The following COL4A2 variants were observed in gnomAD, a reference collection of about 807,000 sequenced individuals.
COL4A2 encodes collagen alpha-2(IV) chain.
In COL4A2, 99 loss-of-function variants were observed where a neutral mutation model predicts 200.2. The ratio of observed to expected loss-of-function variants is 0.49; its 90% CI spans 0.42 to 0.58. The LOEUF (loss-of-function observed/expected upper bound fraction) is 0.58, where lower values mean the gene tolerates loss of function less well. COL4A2 is among the 20% of genes least tolerant of loss of function. The probability of loss-of-function intolerance (pLI) is 0.00; values close to 1 mark genes in which losing one functional copy is unlikely to be tolerated. For missense variants in COL4A2, 1,950 were observed against 2,314.1 expected, an observed-to-expected ratio of 0.84 and a Z score of 3.23; for synonymous variants, 897 against 900.6, an observed-to-expected ratio of 1.00 and a Z score of 0.07.
intron 3 of COL4A2, among the ~76,000 whole-genome samples, chr13:110,331,119 C>T (rs1212873510): frequency 6.6e-6 from 1 of 152,082 alleles, no homozygotes; most frequent in Non-Finnish European, 1.5e-5. Flanking sequence ...TCACAATGGT[C>T]TTACCATCCT....
chr13:110,427,964 A>C (rs1880531104), intron 6 of COL4A2, among the ~76,000 whole-genome samples: 1 of 152,224 alleles, frequency 6.6e-6, no homozygotes, highest in Non-Finnish European at 1.5e-5. Flanking sequence ...GAAACTCACT[A>C]TCTAAAATGC....
At chr13:110,464,354 G>A (rs934673028) in intron 24 of COL4A2, among the ~76,000 whole-genome samples, 1 of 152,156 alleles carries the variant, frequency 6.6e-6, no homozygotes, top group African/African-American at 2.4e-5. Context: ...CCCAGTGCTT[G>A]TGTGCCTTCC....
At chr13:110,322,754 G>T (rs1370523737) in intron 3 of COL4A2, among the ~76,000 whole-genome samples, 1 of 152,234 alleles carries the variant, frequency 6.6e-6, no homozygotes, top group African/African-American at 2.4e-5. Context: ...GCTAAGGGCT[G>T]GGAACTTGGT....
At chr13:110,484,874 C>G in intron 32 of COL4A2, 31 bp from the exon 33 acceptor site, 1 of 1,575,580 alleles carries the variant, frequency 6.3e-7, no homozygotes, top group South Asian at 1.1e-5. Context: ...CTGGAGCCCC[C>G]AGAAAATGAC....
chr13:110,510,260 G>A (rs1007160515), intron 47 of COL4A2, among the ~76,000 whole-genome samples: 3 of 152,352 alleles, frequency 2.0e-5, no homozygotes, highest in East Asian at 1.9e-4. Flanking sequence ...ACAAGCGAGC[G>A]CCACGTGGGA....
At chr13:110,469,008 T>C (rs1882358684) in intron 27 of COL4A2, among the ~76,000 whole-genome samples, 1 of 152,206 alleles carries the variant, frequency 6.6e-6, no homozygotes. Context: ...TATTGGATAT[T>C]ATCATTCTTA....
intron 4 of COL4A2, among the ~76,000 whole-genome samples, chr13:110,375,144 T>G (rs1878182605): frequency 6.6e-6 from 1 of 152,168 alleles, no homozygotes; most frequent in Non-Finnish European, 1.5e-5. Flanking sequence ...CATTCAGGTG[T>G]GAGGATGGCT....
intron 4 of COL4A2, among the ~76,000 whole-genome samples, chr13:110,383,687 C>A (rs1194086543): frequency 7.0e-6 from 1 of 142,892 alleles, no homozygotes; most frequent in Non-Finnish European, 1.5e-5. Context: ...ACGATCTCAG[C>A]TCACTGCAAC....
In COL4A2 at chr13:110,506,450, G is replaced by T; in HGVS notation, c.4438G>T (p.Gly1480Cys). 1.2e-6 allele frequency: 2 copies of T among 1,612,564 alleles called. No individual in the cohort carries two copies. The highest frequency in any genetic ancestry group is 1.7e-6 in the Non-Finnish European group (2 of 1,179,636). ...PGRPGSPGLP[G>C]MPGRSVSIGY... ...CCGTCCAGGGAGCCCGGGCCTGCCG[G>T]GTATGCCAGGCCGCAGCGTCAGCAT... The change falls in exon 46 of 48, where the codon GGT (glycine) becomes TGT (cysteine). Residue 1480 changes from glycine (G) to cysteine (C), a missense_variant. Around this residue, in one of 2 missense-constraint regions of COL4A2, gnomAD observed 1,385 missense variants for 1,720.5 expected, o/e 0.80. Transcript: ENST00000360467.
intron 3 of COL4A2, among the ~76,000 whole-genome samples, chr13:110,343,723 A>G (rs907602082): frequency 1.3e-5 from 2 of 152,258 alleles, no homozygotes; most frequent in Admixed American, 1.3e-4. Context: ...TTCCTTGCCT[A>G]GACCAGTCTT....
chr13:110,335,149 G>A (rs1876118612), intron 3 of COL4A2, among the ~76,000 whole-genome samples: 1 of 152,106 alleles, frequency 6.6e-6, no homozygotes. Flanking sequence ...CATGGATCCT[G>A]TTCATTGATC....
At chr13:110,473,499 C>T (rs1340236796) in intron 29 of COL4A2, 1 of 264,574 alleles carries the variant, frequency 3.8e-6, no homozygotes, top group Non-Finnish European at 7.1e-6. Context: ...AAAAGATGGG[C>T]CCTGGCCATG....
At chr13:110,362,088 G>A (rs1877541721) in intron 4 of COL4A2, among the ~76,000 whole-genome samples, 1 of 152,214 alleles carries the variant, frequency 6.6e-6, no homozygotes, top group Admixed American at 6.5e-5. Context: ...TCTCCGGGAT[G>A]CAGGGAAGAA....
chr13:110,493,441 G>A (rs902780594), intron 39 of COL4A2, among the ~76,000 whole-genome samples, 159 bp downstream of exon 39: 1 of 152,210 alleles, frequency 6.6e-6, no homozygotes, highest in African/African-American at 2.4e-5. Flanking sequence ...GCGGGTCCGG[G>A]CCCTGTGGTC....
At chr13:110,350,067 T>G (rs1876888269) in intron 3 of COL4A2, among the ~76,000 whole-genome samples, 1 of 152,162 alleles carries the variant, frequency 6.6e-6, no homozygotes, top group Admixed American at 6.5e-5. Context: ...CCAGCCCAAT[T>G]TCCACATCTT....
At chr13:110,498,741 C>G (rs369164022) in intron 40 of COL4A2, among the ~76,000 whole-genome samples, 1 of 152,220 alleles carries the variant, frequency 6.6e-6, no homozygotes, top group African/African-American at 2.4e-5. Flanking sequence ...TGGAGAGTTA[C>G]GTGTAGCTCA....
chr13:110,385,522 T>C (rs1160823408), intron 4 of COL4A2, among the ~76,000 whole-genome samples: 3,406 of 68,594 alleles, frequency 0.05, 570 homozygotes, highest in Middle Eastern at 0.068. Flanking sequence ...TAGGCCGTGG[T>C]TACAGTGCGT....
At chr13:110,345,852 C>T (rs1158864042) in intron 3 of COL4A2, among the ~76,000 whole-genome samples, 1 of 152,228 alleles carries the variant, frequency 6.6e-6, no homozygotes, top group Non-Finnish European at 1.5e-5. Context: ...CTTGTTCCAT[C>T]TCATCTGTGC....
chr13:110,471,845 T>C (rs1882480046), intron 28 of COL4A2, among the ~76,000 whole-genome samples: 2 of 152,168 alleles, frequency 1.3e-5, no homozygotes, highest in African/African-American at 4.8e-5. Flanking sequence ...GTGTACTTGA[T>C]CTTGTCCCAC....
Sources: allele counts gnomAD v4.1 joint callset (sites outside exome capture counted in the v4.1 genomes callset), GRCh38; gene constraint gnomAD v4.1.1; regional missense constraint gnomAD v4.1.1; transcripts MANE v1.5; gene names NCBI Gene and HGNC (gene_info 2026-07-23, HGNC 2026-07-21).